Variants in PLEKHG2 observed in about 807,000 individuals in gnomAD.
PLEKHG2 encodes pleckstrin homology domain-containing family G member 2.
In PLEKHG2, 71 loss-of-function variants were observed where a neutral mutation model predicts 104.4. That is an observed-to-expected ratio of 0.68 (90% CI 0.56 to 0.83). The LOEUF (loss-of-function observed/expected upper bound fraction) is 0.83. PLEKHG2 is among the 40% of genes least tolerant of loss of function. PLEKHG2 has a pLI of 0.00. For synonymous variants in PLEKHG2, 728 were observed against 737.0 expected, an observed-to-expected ratio of 0.99 and a Z score of 0.20; for missense variants, 1,730 against 1,809.4, an observed-to-expected ratio of 0.96 and a Z score of 0.80.
chr19:39,413,106 C>T lies in PLEKHG2; in HGVS notation c.-329C>T, dbSNP rs1372670695. The T allele has an allele frequency of 6.6e-6, 1 of 152,192 alleles. No homozygotes were observed. Among genetic ancestry groups the T allele is most frequent in the Admixed American group, 6.5e-5 (1 of 15,270 alleles). 9.4% of individuals were successfully genotyped at this position (152,192 alleles called of 1,614,324 possible). On this transcript the variant is annotated 5_prime_UTR_variant, in exon 1 of 19. Transcript: ENST00000425673. The surrounding 1 kb of genome is among the most constrained non-coding windows in gnomAD (Gnocchi z 4.5). ...ACCTGGAGGGAGTTTCATTCCTGCC[C>T]CTAGAATTAGGGGAACTCAGAAATC...
In PLEKHG2 at chr19:39,422,124, A is replaced by C; in HGVS notation, c.1513A>C (p.Ser505Arg). Residue 505 changes from serine (S) to arginine (R), a missense_variant, in exon 17 of 19, where the codon AGC becomes CGC. Physicochemically the swap from Ser to Arg is moderately radical, Grantham distance 110. Coordinates refer to ENST00000425673, the MANE Select transcript of PLEKHG2 (RefSeq NM_022835.3). ...CTTTCCCTCCTCACAGCACGCTGGC[A>C]GCGAAGGGGAACTCTACCCTCCAGA... ...NAKPGFKHAGSEGELYPPESQ... is the reference protein window; with the variant it reads ...NAKPGFKHAGREGELYPPESQ... The C allele has an allele frequency of 6.2e-7, 1 of 1,608,930 alleles. No homozygotes were observed. Among genetic ancestry groups the C allele is most frequent in the Non-Finnish European group, 8.5e-7 (1 of 1,177,866 alleles).
Position 39,416,963 on chromosome 19 carries a change from C to T in PLEKHG2, c.707C>T (p.Pro236Leu), listed in dbSNP as rs1403908215. The T allele has an allele frequency of 6.2e-7, 1 of 1,613,312 alleles. No homozygotes were observed. The highest frequency in any genetic ancestry group is 1.1e-5 in the South Asian group (1 of 91,060). The change falls in exon 7 of 19, where the codon CCT becomes CTT. Residue 236 changes from proline to leucine, a missense_variant. Physicochemically the swap from Pro to Leu is moderately conservative, Grantham distance 98. Coordinates refer to ENST00000425673, the MANE Select transcript of PLEKHG2 (RefSeq NM_022835.3). This position sits in a 1 kb window ranked among gnomAD's most constrained non-coding sequence, Gnocchi z 4.5. ...SLPLQSFLLK[P>L]VQRILKYHLL... is the part of the protein sequence containing the mutation. ...CCCCTGCAGAGCTTCCTGCTGAAAC[C>T]TGTCCAGCGCATTCTCAAGTACCAT... is the stretch of plus-strand genomic sequence containing the variant.
At position 39,416,403 on chromosome 19, in the gene PLEKHG2, T is replaced by C; in HGVS notation, c.535T>C (p.Phe179Leu). ...CAGCGCCGGGGGTATTGCCGAGTGCTTCGTGCAGAGGGTGAGTGGAGGGGT... is the reference window on the plus strand; with the variant it reads ...CAGCGCCGGGGGTATTGCCGAGTGCCTCGTGCAGAGGGTGAGTGGAGGGGT... ...SSSAGGIAEC[F>L]VQRSEDFDIY... The change falls in exon 5 of 19, where the codon TTC (phenylalanine) becomes CTC (leucine). Residue 179 changes from phenylalanine to leucine, a missense_variant. Transcript: ENST00000425673. This position sits in a 1 kb window ranked among gnomAD's most constrained non-coding sequence, Gnocchi z 4.5. The C allele has an allele frequency of 2.5e-6, 4 of 1,612,838 alleles. No individual in the cohort carries two copies. The highest frequency in any genetic ancestry group is 1.1e-5 in the South Asian group (1 of 91,016).
At position 39,418,942 on chromosome 19, in the gene PLEKHG2, T is replaced by C; in HGVS notation, c.1202T>C (p.Leu401Pro). The C allele has an allele frequency of 6.2e-7, 1 of 1,613,130 alleles. No individual in the cohort carries two copies. Among genetic ancestry groups the C allele is most frequent in the Non-Finnish European group, 8.5e-7 (1 of 1,179,544 alleles). Residue 401 changes from leucine (L) to proline (P), a missense_variant, in exon 11 of 19, where the codon CTG (leucine) becomes CCG (proline). Transcript: ENST00000425673. ...LQAKNQEEKR[L>P]WIHCLQRLFF... ...GCCAAGAACCAAGAAGAGAAGAGGC[T>C]GTGGATTCACTGTCTCCAGCGCCTC...
At position 39,424,438 on chromosome 19, in the gene PLEKHG2, C is replaced by T. The variant is rs140135182; in HGVS notation, c.3305C>T (p.Pro1102Leu). 313 of 1,614,006 alleles carry T rather than the reference C, an allele frequency of 1.9e-4. No individual in the cohort carries two copies. Among genetic ancestry groups the T allele is most frequent in the Non-Finnish European group, 2.5e-4 (295 of 1,180,034 alleles). ...CTACCACCCTTGCCATGTCACCTCCCAGACCTTCAGATTCCAGGTACCTCA... is the reference window on the plus strand; with the variant it reads ...CTACCACCCTTGCCATGTCACCTCCTAGACCTTCAGATTCCAGGTACCTCA... ...DTLPPLPCHL[P>L]DLQIPGTSPL... The change falls in exon 19 of 19, where the codon CCA becomes CTA. Residue 1102 changes from proline to leucine, a missense_variant. Transcript: ENST00000425673.
chr19:39,419,056 C>G, intron 11 of PLEKHG2, 53 bp downstream of exon 11: 5 of 1,496,066 alleles, frequency 3.3e-6, no homozygotes, highest in Non-Finnish European at 3.6e-6. Context: ...ACACCCTCCC[C>G]CAATAGTACT....
chr19:39,422,501 C>G (rs529354342), intron 17 of PLEKHG2, among the ~76,000 whole-genome samples: 1 of 152,156 alleles, frequency 6.6e-6, no homozygotes, highest in Non-Finnish European at 1.5e-5. Flanking sequence ...CCTCAGCCTC[C>G]TGAGTAGCTG....
Position 39,423,716 on chromosome 19 carries a change from C to A in PLEKHG2, c.2600-17C>A. On this transcript the variant is annotated splice_polypyrimidine_tract_variant and intron_variant, in intron 18 of 18. Transcript: ENST00000425673. The stretch of plus-strand genomic sequence containing the variant: ...GCTGGAGTAGTGGTCCTGACTCGAT[C>A]CTCTTTTCGCATTCAGGGCTCCTGC... The A allele has an allele frequency of 3.1e-6, 5 of 1,599,876 alleles. No homozygotes were observed. The highest frequency in any genetic ancestry group is 4.3e-6 in the Non-Finnish European group (5 of 1,171,452).
chr19:39,423,381 A>G lies in PLEKHG2; in HGVS notation c.2327A>G (p.Gln776Arg), dbSNP rs2078730310. The G allele has an allele frequency of 6.2e-7, 1 of 1,612,602 alleles. No homozygotes were observed. The highest frequency in any genetic ancestry group is 8.5e-7 in the Non-Finnish European group (1 of 1,179,244). ...CGGAGCGCCTGGCAGGCATTGGAAC[A>G]GGGACAGCTGGCCCGGCCAGGCTTC... ...EIRSAWQALEQGQLARPGFPE... is the reference protein window; with the variant it reads ...EIRSAWQALERGQLARPGFPE... Residue 776 changes from glutamine (Q) to arginine (R), a missense_variant, in exon 18 of 19, where the codon CAG (glutamine) becomes CGG (arginine). Coordinates refer to ENST00000425673, the MANE Select transcript of PLEKHG2 (RefSeq NM_022835.3).
intron 11 of PLEKHG2, 109 bp downstream of exon 11, chr19:39,419,112 T>A: frequency 1.0e-6 from 1 of 997,868 alleles, no homozygotes; most frequent in Non-Finnish European, 1.4e-6. Context: ...TATAATGTGA[T>A]TGCTAAAAGT....
chr19:39,419,261 G>A (rs1374879983), intron 11 of PLEKHG2, among the ~76,000 whole-genome samples: 2 of 152,182 alleles, frequency 1.3e-5, no homozygotes, highest in African/African-American at 4.8e-5. Context: ...GGGTTGTGGT[G>A]ATGAGTAATG....
Position 39,420,744 on chromosome 19 carries a change from C to T in PLEKHG2, c.1298-7C>T. ...GTTGGCTTTTAGCCCCAAAACTCTC[C>T]CCACAGGTGCCCCCAAAAGTAAGCC... On this transcript the variant is annotated splice_polypyrimidine_tract_variant and splice_region_variant and intron_variant, in intron 12 of 18. Transcript: ENST00000425673. 3 of 1,614,154 alleles carry T rather than the reference C, an allele frequency of 1.9e-6. No homozygotes were observed. Among genetic ancestry groups the T allele is most frequent in the South Asian group, 2.2e-5 (2 of 91,080 alleles).
Position 39,416,669 on chromosome 19 carries a change from C to T in PLEKHG2, c.593+72C>T. On this transcript the variant is annotated intron_variant, in intron 6 of 18. Coordinates refer to ENST00000425673, the MANE Select transcript of PLEKHG2 (RefSeq NM_022835.3). This position sits in a 1 kb window ranked among gnomAD's most constrained non-coding sequence, Gnocchi z 4.5. ...TGATGTGCCAGTCACCCGTCACCCT[C>T]CCTCTACCCCCGACCCATCCAGCAC... The T allele has an allele frequency of 1.9e-6, 3 of 1,579,458 alleles. No individual in the cohort carries two copies. Among genetic ancestry groups the T allele is most frequent in the Non-Finnish European group, 2.6e-6 (3 of 1,151,576 alleles).
Position 39,424,364 on chromosome 19 carries a change from T to A in PLEKHG2, c.3231T>A (p.Pro1077=). 1 of 1,614,028 alleles carries A rather than the reference T, an allele frequency of 6.2e-7. No individual in the cohort carries two copies. The highest frequency in any genetic ancestry group is 8.5e-7 in the Non-Finnish European group (1 of 1,180,000). ...CTGTCTGCAGTCAACCCATCCAGCC[T>A]TTGTCTTGGCATGGAAGCAGCCTGG... ...PDPVCSQPIQ[P]LSWHGSSLDP... The change falls in exon 19 of 19, where the codon CCT becomes CCA. Residue 1077 remains proline (P), a synonymous_variant. Transcript: ENST00000425673.
rs769505257 is a variant in PLEKHG2, at chr19:39,418,007, C to G, written c.985C>G (p.Arg329Gly). 6.4e-7 allele frequency: 1 copy of G among 1,559,428 alleles called. No homozygotes were observed. The highest frequency in any genetic ancestry group is 8.7e-7 in the Non-Finnish European group (1 of 1,153,798). ...CCGAGGAGGCGGAGGGGGTGGCCCCCGGCTACGAGGGGGTGAGCGGCTGCT... is the reference window on the plus strand; with the variant it reads ...CCGAGGAGGCGGAGGGGGTGGCCCCGGGCTACGAGGGGGTGAGCGGCTGCT... ...AFRGGGGGGP[R>G]LRGGERLLFL... The change falls in exon 9 of 19, where the codon CGG (arginine) becomes GGG (glycine). Residue 329 changes from arginine to glycine, a missense_variant. Coordinates refer to ENST00000425673, the MANE Select transcript of PLEKHG2 (RefSeq NM_022835.3).
In PLEKHG2 at chr19:39,415,090, C is replaced by T. The variant is rs949733390; in HGVS notation, c.208C>T (p.Pro70Ser). ...SEGDPAPGPT[P>S]ACSASRPEPL... ...GGGGGATCCAGCCCCTGGGCCCACT[C>T]CAGCCTGCTCAGCCTCCAGGCCAGA... The change falls in exon 3 of 19, where the codon CCA (proline) becomes TCA (serine). Residue 70 changes from proline (P) to serine (S), a missense_variant. Transcript: ENST00000425673. This position sits in a 1 kb window ranked among gnomAD's most constrained non-coding sequence, Gnocchi z 4.6. 3.9e-5 allele frequency: 62 copies of T among 1,592,238 alleles called. No homozygotes were observed. The highest frequency in any genetic ancestry group is 5.2e-5 in the Non-Finnish European group (61 of 1,169,824).
Position 39,421,266 on chromosome 19 carries a change from C to T in PLEKHG2, c.1487-17C>T, listed in dbSNP as rs2078696005. 6.2e-7 allele frequency: 1 copy of T among 1,613,688 alleles called. No homozygotes were observed. On this transcript the variant is annotated splice_polypyrimidine_tract_variant and intron_variant, in intron 15 of 18. Coordinates refer to ENST00000425673, the MANE Select transcript of PLEKHG2 (RefSeq NM_022835.3). Reference sequence around the variant, plus strand: ...ATCTCACTAATGCTTCTCTCTCTCTCATCTCTCCATCCTTAGCTAAGCCTG... The same window carrying T: ...ATCTCACTAATGCTTCTCTCTCTCTTATCTCTCCATCCTTAGCTAAGCCTG...
At position 39,423,377 on chromosome 19, in the gene PLEKHG2, G is replaced by A; in HGVS notation, c.2323G>A (p.Glu775Lys). Residue 775 changes from glutamate to lysine, a missense_variant, in exon 18 of 19, where the codon GAA becomes AAA. Coordinates refer to ENST00000425673, the MANE Select transcript of PLEKHG2 (RefSeq NM_022835.3). ...SEIRSAWQAL[E>K]QGQLARPGFP... ...AATCCGGAGCGCCTGGCAGGCATTG[G>A]AACAGGGACAGCTGGCCCGGCCAGG... 1 of 1,612,838 alleles carries A rather than the reference G, an allele frequency of 6.2e-7. No homozygotes were observed. The highest frequency in any genetic ancestry group is 8.5e-7 in the Non-Finnish European group (1 of 1,179,328).
Position 39,415,702 on chromosome 19 carries a change from G to C in PLEKHG2, c.479+263G>C, listed in dbSNP as rs1443828891. On this transcript the variant is annotated intron_variant, in intron 4 of 18. Transcript: ENST00000425673. This position sits in a 1 kb window ranked among gnomAD's most constrained non-coding sequence, Gnocchi z 4.6. ...GGCATAGCGGATGGGAGGACCCCGA[G>C]TGAGGGAGGGGCATAGCGGATGGGA... Among the ~76,000 whole-genome samples, 1 of 151,870 alleles carries C rather than the reference G, an allele frequency of 6.6e-6. No homozygotes were observed. Among genetic ancestry groups the C allele is most frequent in the African/African-American group, 2.4e-5 (1 of 41,296 alleles).
Sources: gnomAD v4.1 joint callset for allele counts (sites outside exome capture counted in the v4.1 genomes callset) on GRCh38, gnomAD v4.1.1 for gene constraint, Gnocchi (gnomAD v3.1) non-coding constraint, MANE v1.5 for transcripts, NCBI Gene and HGNC (gene_info 2026-07-23, HGNC 2026-07-21) for gene names.